Variants in ASIC2 observed in about 807,000 individuals in gnomAD.
The protein encoded by ASIC2 is acid sensing ion channel subunit 2.
A neutral mutation model predicts 57.3 loss-of-function variants in ASIC2; 25 were observed. The ratio of observed to expected loss-of-function variants is 0.44; its 90% CI spans 0.32 to 0.61. The LOEUF (loss-of-function observed/expected upper bound fraction) is 0.61, where lower values mean the gene tolerates loss of function less well. Ranked by LOEUF, ASIC2 falls within the 20% of genes least tolerant of loss-of-function variation. The probability of loss-of-function intolerance (pLI) is 0.06; values close to 1 mark genes in which losing one functional copy is unlikely to be tolerated. For missense variants in ASIC2, 641 were observed against 738.1 expected (o/e 0.87, Z 1.52); for synonymous variants, 319 against 307.5 (o/e 1.04, Z -0.39).
At chr17:33,855,566 A>G (rs144325109) in intron 1 of ASIC2, among the ~76,000 whole-genome samples, 1 of 152,302 alleles carries the variant, frequency 6.6e-6, no homozygotes, top group African/African-American at 2.4e-5. Context: ...GGCAAACTAT[A>G]GATAGATGGA....
chr17:33,135,828 A>G (rs972277314), intron 1 of ASIC2, among the ~76,000 whole-genome samples: 2 of 152,218 alleles, frequency 1.3e-5, no homozygotes, highest in African/African-American at 4.8e-5. Context: ...TAAAAAAGTC[A>G]ATTAAGTCCA....
In ASIC2 at chr17:33,992,575, T is replaced by C. The variant is rs372320702; in HGVS notation, c.555+163403A>G. 5.9e-5 allele frequency among the ~76,000 whole-genome samples: 9 copies of C among 152,352 alleles called. No homozygotes were observed. In the East Asian group the frequency reaches 1.5e-3, roughly 26 times the overall value. ...TGAATTCACTCTATCCACAAGTGTG[T>C]TGGAGCTAACTCACATTGGCTCGCA... On this transcript the variant is annotated intron_variant, in intron 1 of 9. Coordinates refer to the ASIC2 transcript ENST00000359872.
chr17:33,845,495 C>T (rs1340232784), intron 1 of ASIC2, among the ~76,000 whole-genome samples: 4 of 152,154 alleles, frequency 2.6e-5, no homozygotes, highest in Admixed American at 6.5e-5. Context: ...GAAGAACATA[C>T]ATTTAGGAGG....
intron 1 of ASIC2, among the ~76,000 whole-genome samples, chr17:33,421,822 C>T (rs11080219): frequency 0.75 from 114,364 of 152,066 alleles, 43,626 homozygotes; most frequent in Non-Finnish European, 0.8. Flanking sequence ...TTCCTTTGCA[C>T]GGTCATAGAG....
At chr17:33,664,810 T>C (rs548328398) in intron 1 of ASIC2, among the ~76,000 whole-genome samples, 1 of 152,290 alleles carries the variant, frequency 6.6e-6, no homozygotes, top group African/African-American at 2.4e-5. Flanking sequence ...AATAGACAAG[T>C]GGCTTCAAAA....
intron 1 of ASIC2, among the ~76,000 whole-genome samples, chr17:33,809,619 G>A (rs1280930465): frequency 6.6e-6 from 1 of 152,202 alleles, no homozygotes; most frequent in Admixed American, 6.5e-5. Context: ...GTTGATGAGA[G>A]TGCATGGTGT....
At chr17:34,043,187 T>C (rs937405188) in intron 1 of ASIC2, among the ~76,000 whole-genome samples, 4 of 152,222 alleles carry the variant, frequency 2.6e-5, no homozygotes, top group African/African-American at 7.2e-5. Flanking sequence ...ATGCTGGTGA[T>C]GCGGTATTCC....
At chr17:33,909,033 G>A (rs1915406779) in intron 1 of ASIC2, among the ~76,000 whole-genome samples, 1 of 152,144 alleles carries the variant, frequency 6.6e-6, no homozygotes, top group African/African-American at 2.4e-5. Flanking sequence ...ATCAGCTGTT[G>A]AATGGTGGCC....
chr17:33,786,769 T>A (rs767651218), intron 1 of ASIC2, among the ~76,000 whole-genome samples: 4 of 152,088 alleles, frequency 2.6e-5, no homozygotes, highest in African/African-American at 4.8e-5. Flanking sequence ...GCAGGCAGTG[T>A]TGATGGCTTA....
intron 1 of ASIC2, among the ~76,000 whole-genome samples, chr17:33,183,990 T>C (rs905400264): frequency 1.1e-4 from 17 of 152,194 alleles, no homozygotes; most frequent in African/African-American, 2.9e-4. Flanking sequence ...AAAATACTTA[T>C]ATCACAGGAC....
At position 33,509,539 on chromosome 17, in the gene ASIC2, C is replaced by T. The variant is rs146688517; in HGVS notation, c.556-397472G>A. ...GACAGACGGCATCATGCCAGCCTTG[C>T]CCAGGCTCCAGTTAGCAGACAAATC... On this transcript the variant is annotated intron_variant, in intron 1 of 9. Coordinates refer to the ASIC2 transcript ENST00000359872. 8.0e-3 allele frequency among the ~76,000 whole-genome samples: 1,220 copies of T among 152,314 alleles called. 7 individuals are homozygous for T. The highest frequency in any genetic ancestry group is 0.013 in the Non-Finnish European group (865 of 68,032).
chr17:33,672,358 C>T (rs539911687), intron 1 of ASIC2, among the ~76,000 whole-genome samples: 1 of 151,102 alleles, frequency 6.6e-6, no homozygotes, highest in South Asian at 2.1e-4. Context: ...TCCTACCACA[C>T]ACAAGAGCTG....
At chr17:33,498,458 A>G (rs1288944955) in intron 1 of ASIC2, among the ~76,000 whole-genome samples, 2 of 152,224 alleles carry the variant, frequency 1.3e-5, no homozygotes, top group Non-Finnish European at 2.9e-5. Flanking sequence ...AGAGAGACTC[A>G]TGACTATTCA....
chr17:33,760,794 CT>C lies in ASIC2; in HGVS notation c.555+395183del, dbSNP rs111685614. Among the ~76,000 whole-genome samples, 837 of 152,168 alleles carry C rather than the reference CT, an allele frequency of 5.5e-3. 3 individuals carry two copies. The highest frequency in any genetic ancestry group is 0.02 in the Middle Eastern group (6 of 294). On this transcript the variant is annotated intron_variant, in intron 1 of 9. Transcript: ENST00000359872. The stretch of plus-strand genomic sequence containing the variant: ...GATTTTTGTCTCTTGAATATTTAGA[CT>C]TATGGTCTATGGGCTGCCATTGTTC...
rs1034888046 is a variant in ASIC2, at chr17:33,716,703, C to T, written c.555+439275G>A. ...TGAATATCATTTTATAGATTCTTCT[C>T]CTCATGCCATCTGTCTGTCATGACT... On this transcript the variant is annotated intron_variant, in intron 1 of 9. Transcript: ENST00000359872. 2.0e-5 allele frequency among the ~76,000 whole-genome samples: 3 copies of T among 152,116 alleles called. 1 individual carries two copies. Among genetic ancestry groups the T allele is most frequent in the Non-Finnish European group, 4.4e-5 (3 of 68,026 alleles).
intron 1 of ASIC2, among the ~76,000 whole-genome samples, chr17:33,886,353 G>T (rs1216767963): frequency 2.6e-5 from 4 of 152,116 alleles, no homozygotes; most frequent in Admixed American, 6.5e-5. Flanking sequence ...TCCAGAGAGG[G>T]ATTCCGATCG....
intron 1 of ASIC2, among the ~76,000 whole-genome samples, chr17:33,397,791 G>A (rs1243927266): frequency 6.6e-6 from 1 of 152,158 alleles, no homozygotes; most frequent in African/African-American, 2.4e-5. Context: ...GCCCCATTGG[G>A]CATTTTCCAT....
rs550949212 is a variant in ASIC2 at position 33,560,494 on chromosome 17, G to T, written c.556-448427C>A. 7.9e-5 allele frequency among the ~76,000 whole-genome samples: 12 copies of T among 152,318 alleles called. 1 individual carries two copies. The South Asian group carries it at 2.1e-3, about 26-fold the overall frequency. On this transcript the variant is annotated intron_variant, in intron 1 of 9. Transcript: ENST00000359872. ...TGATACTCAGGGAAGGGAAAAGCAG[G>T]ATTTGGGCAGCAATGTATCTAGGAC...
At chr17:33,738,204 AC>A (rs1201297106) in intron 1 of ASIC2, among the ~76,000 whole-genome samples, 1 of 152,156 alleles carries the variant, frequency 6.6e-6, no homozygotes, top group African/African-American at 2.4e-5. Flanking sequence ...CCATATTGCC[AC>A]CCAAAGCAGG....
Sources: allele counts gnomAD v4.1 joint callset (sites outside exome capture counted in the v4.1 genomes callset), GRCh38; gene constraint gnomAD v4.1.1; transcripts MANE v1.5; gene names NCBI Gene and HGNC (gene_info 2026-07-23, HGNC 2026-07-21).